PEBP4: variants seen among roughly 807,000 people sequenced by gnomAD.
PEBP4 encodes phosphatidylethanolamine binding protein 4.
A neutral mutation model predicts 23.9 loss-of-function variants in PEBP4; 22 were observed. The observed-to-expected ratio is 0.92, with a 90% CI of 0.66 to 1.31. The LOEUF (loss-of-function observed/expected upper bound fraction) is 1.31. PEBP4 is among the 40% of genes most tolerant of loss of function. PEBP4 has a pLI of 0.00. For synonymous variants in PEBP4, 112 were observed against 99.3 expected, an observed-to-expected ratio of 1.13 and a Z score of -0.76; for missense variants, 324 against 281.7, an observed-to-expected ratio of 1.15 and a Z score of -1.07.
intron 3 of PEBP4, chr8:22,886,594 C>T (rs898363570): frequency 6.6e-6 from 1 of 152,312 alleles, no homozygotes; most frequent in Non-Finnish European, 1.5e-5. Flanking sequence ...CCATGCAGGA[C>T]CCTGCCATTT....
chr8:22,800,200 C>T (rs897092374), intron 4 of PEBP4, among the ~76,000 whole-genome samples: 27 of 152,082 alleles, frequency 1.8e-4, no homozygotes, highest in African/African-American at 5.6e-4. Context: ...ACAATGCTTG[C>T]TGTGTCTCGG....
chr8:22,765,747 G>A (rs980312326), intron 4 of PEBP4, among the ~76,000 whole-genome samples: 40 of 152,252 alleles, frequency 2.6e-4, no homozygotes, highest in African/African-American at 9.6e-4. Context: ...CGCTGCGGGT[G>A]GGCTCTCTCC....
chr8:22,731,843 AT>A (rs1804744816), intron 4 of PEBP4, among the ~76,000 whole-genome samples: 1 of 141,272 alleles, frequency 7.1e-6, no homozygotes, highest in Non-Finnish European at 1.5e-5. Flanking sequence ...TTTTTTTTTA[AT>A]TTTTTTATTT....
At chr8:22,765,562 T>C (rs941473844) in intron 4 of PEBP4, among the ~76,000 whole-genome samples, 1 of 152,224 alleles carries the variant, frequency 6.6e-6, no homozygotes, top group Admixed American at 6.5e-5. Flanking sequence ...CTCTCATCCT[T>C]CCCATCAGTG....
At chr8:22,743,102 C>A (rs1805033079) in intron 4 of PEBP4, among the ~76,000 whole-genome samples, 1 of 152,188 alleles carries the variant, frequency 6.6e-6, no homozygotes, top group African/African-American at 2.4e-5. Flanking sequence ...GCCCAGGCCT[C>A]TTATGCCAGC....
chr8:22,902,554 G>A (rs1808733516), intron 3 of PEBP4, among the ~76,000 whole-genome samples: 1 of 152,014 alleles, frequency 6.6e-6, no homozygotes, highest in African/African-American at 2.4e-5. Flanking sequence ...CCTCTCCCCA[G>A]GCAACCTCTC....
rs1809173468 is a variant in PEBP4, at chr8:22,920,291, G to A, written c.151C>T (p.Pro51Ser). 4 of 1,613,118 alleles carry A rather than the reference G, an allele frequency of 2.5e-6. No homozygotes were observed. The highest frequency in any genetic ancestry group is 3.4e-6 in the Non-Finnish European group (4 of 1,179,362). Residue 51 changes from proline (P) to serine (S), a missense_variant, in exon 3 of 7, where the codon CCA becomes TCA. Transcript: ENST00000256404. ...LFCQGLEVFY[P>S]ELGNIGCKVV... is the part of the protein sequence containing the mutation. ...TTGCAGCCAATGTTCCCCAACTCTG[G>A]GTAGAAAACTTCAAGGCCCCTATGA...
At chr8:22,899,118 G>A (rs1312599125) in intron 3 of PEBP4, among the ~76,000 whole-genome samples, 1 of 152,188 alleles carries the variant, frequency 6.6e-6, no homozygotes, top group Admixed American at 6.5e-5. Flanking sequence ...GAAAATGGGG[G>A]AAGTAGCAGT....
chr8:22,721,357 T>C (rs1294622912), intron 6 of PEBP4, among the ~76,000 whole-genome samples: 1 of 152,040 alleles, frequency 6.6e-6, no homozygotes, highest in Admixed American at 6.5e-5. Context: ...CATCAAGATC[T>C]CATTTGCTGA....
At chr8:22,757,370 CA>C (rs1229680303) in intron 4 of PEBP4, 1 of 152,294 alleles carries the variant, frequency 6.6e-6, no homozygotes, top group East Asian at 1.9e-4. Flanking sequence ...AATGCTTACA[CA>C]TTTCAGCAAC....
chr8:22,803,510 C>G (rs894791265), intron 4 of PEBP4, among the ~76,000 whole-genome samples: 1 of 151,900 alleles, frequency 6.6e-6, no homozygotes, highest in Admixed American at 6.6e-5. Flanking sequence ...ACTAAAAATG[C>G]AAGATTAGCC....
chr8:22,838,213 T>C (rs1047336668), intron 3 of PEBP4, among the ~76,000 whole-genome samples: 1 of 152,222 alleles, frequency 6.6e-6, no homozygotes, highest in African/African-American at 2.4e-5. Context: ...AATTATTATA[T>C]TCCTGACAGA....
chr8:22,740,345 T>C (rs17088602), intron 4 of PEBP4, among the ~76,000 whole-genome samples: 17,099 of 152,260 alleles, frequency 0.11, 1,262 homozygotes, highest in African/African-American at 0.21. Flanking sequence ...GAGGGACTGA[T>C]GGTGAACTTG....
chr8:22,928,940 T>C (rs1410786303), upstream of PEBP4, among the ~76,000 whole-genome samples: 1 of 152,148 alleles, frequency 6.6e-6, no homozygotes, highest in Non-Finnish European at 1.5e-5. Flanking sequence ...TCCCAACCTG[T>C]AGCAAAAAGC....
intron 4 of PEBP4, among the ~76,000 whole-genome samples, chr8:22,741,557 A>T (rs1411685861): frequency 6.6e-6 from 1 of 152,150 alleles, no homozygotes; most frequent in Non-Finnish European, 1.5e-5. Flanking sequence ...TGCTTTGGGT[A>T]CTGACAGAGC....
intron 1 of PEBP4, among the ~76,000 whole-genome samples, chr8:22,933,560 C>T (rs995503349): frequency 1.3e-5 from 2 of 152,116 alleles, no homozygotes; most frequent in African/African-American, 4.8e-5. Flanking sequence ...AATTCTATGT[C>T]CAGCAAAAGT....
intron 4 of PEBP4, among the ~76,000 whole-genome samples, chr8:22,752,040 G>A (rs1805279499): frequency 6.6e-6 from 1 of 152,174 alleles, no homozygotes; most frequent in East Asian, 1.9e-4. Context: ...AGGACTACAG[G>A]CACACACCAC....
intron 4 of PEBP4, among the ~76,000 whole-genome samples, chr8:22,778,888 T>A (rs1805865065): frequency 6.6e-6 from 1 of 152,178 alleles, no homozygotes; most frequent in African/African-American, 2.4e-5. Flanking sequence ...AGTCAGGGGC[T>A]GCTGCCACCA....
intron 3 of PEBP4, among the ~76,000 whole-genome samples, chr8:22,832,361 C>T (rs1433142376): frequency 2.6e-5 from 4 of 152,206 alleles, no homozygotes; most frequent in African/African-American, 9.6e-5. Context: ...TCTCTGCTCT[C>T]TGCCAAGTGC....
Sources: allele counts gnomAD v4.1 joint callset (sites outside exome capture counted in the v4.1 genomes callset), GRCh38; gene constraint gnomAD v4.1.1; transcripts MANE v1.5; gene names NCBI Gene and HGNC (gene_info 2026-07-23, HGNC 2026-07-21).